The following CCBE1 variants were observed in gnomAD, a reference collection of about 807,000 sequenced individuals.
CCBE1 encodes collagen and calcium-binding EGF domain-containing protein 1.
Under a neutral mutation model 50.0 loss-of-function variants are expected in CCBE1, and 37 were observed. That is an observed-to-expected ratio of 0.74 (90% CI 0.57 to 0.97). The LOEUF (loss-of-function observed/expected upper bound fraction) is 0.97. Among genes scored for constraint, CCBE1 ranks in the 50% least tolerant of loss-of-function variants. CCBE1 has a pLI of 0.00. For synonymous variants in CCBE1, 234 were observed against 203.7 expected, an observed-to-expected ratio of 1.15 and a Z score of -1.27; for missense variants, 538 against 523.8, an observed-to-expected ratio of 1.03 and a Z score of -0.26.
intron 2 of CCBE1, among the ~76,000 whole-genome samples, chr18:59,660,023 C>T (rs1051718498): frequency 1.6e-4 from 24 of 152,178 alleles, no homozygotes; most frequent in African/African-American, 5.8e-4. Context: ...TTTGTTGGAG[C>T]TCATGTGTAG....
chr18:59,644,904 C>T (rs1460032707), intron 2 of CCBE1, among the ~76,000 whole-genome samples: 1 of 152,174 alleles, frequency 6.6e-6, no homozygotes, highest in Non-Finnish European at 1.5e-5. Flanking sequence ...AAGAGATTAT[C>T]TCAAATTCTT....
chr18:59,583,783 G>A (rs1599034971), intron 2 of CCBE1, among the ~76,000 whole-genome samples: 1 of 152,094 alleles, frequency 6.6e-6, no homozygotes, highest in South Asian at 2.1e-4. Flanking sequence ...CTTAAGGGCT[G>A]CCTTTTTATT....
intron 6 of CCBE1, among the ~76,000 whole-genome samples, chr18:59,449,657 G>C (rs1327692340): frequency 3.3e-5 from 5 of 151,852 alleles, no homozygotes; most frequent in Admixed American, 2.6e-4. Flanking sequence ...GCTGTCTGGG[G>C]GCTGCTCCTG....
At chr18:59,446,871 G>A (rs749953865) in intron 7 of CCBE1, among the ~76,000 whole-genome samples, 1 of 152,288 alleles carries the variant, frequency 6.6e-6, no homozygotes, top group East Asian at 1.9e-4. Context: ...AGGATGTCAA[G>A]AGGTCATTCA....
chr18:59,616,714 G>C (rs2053641239), intron 2 of CCBE1, among the ~76,000 whole-genome samples: 1 of 152,224 alleles, frequency 6.6e-6, no homozygotes, highest in African/African-American at 2.4e-5. Flanking sequence ...GCCAGGATTA[G>C]ACAAGTTGCA....
chr18:59,437,663 G>T (rs2143611160), intron 10 of CCBE1, among the ~76,000 whole-genome samples: 1 of 148,626 alleles, frequency 6.7e-6, no homozygotes, highest in Non-Finnish European at 1.5e-5. Context: ...TTCTTCTCAG[G>T]TCCTAAACAG....
chr18:59,631,043 C>A (rs1420172598), intron 2 of CCBE1, among the ~76,000 whole-genome samples: 1 of 152,264 alleles, frequency 6.6e-6, no homozygotes, highest in African/African-American at 2.4e-5. Flanking sequence ...CTTCCATTTT[C>A]TTTTGGGGAA....
rs183713564 is a variant in CCBE1 at position 59,687,252 on chromosome 18, G to T, written c.212+9377C>A. Among the ~76,000 whole-genome samples the T allele has an allele frequency of 3.9e-5, 6 of 152,328 alleles. No individual in the cohort carries two copies. The East Asian group carries it at 1.2e-3, about 29-fold the overall frequency. ...GAGGAAATAGCGCTAGACAAAAGAA[G>T]AGGGTTACAAAGCTTACATTTGTCT... On this transcript the variant is annotated intron_variant, in intron 2 of 10. Coordinates refer to ENST00000439986, the MANE Select transcript of CCBE1 (RefSeq NM_133459.4).
intron 2 of CCBE1, among the ~76,000 whole-genome samples, chr18:59,539,175 T>G (rs1915367073): frequency 6.7e-6 from 1 of 148,260 alleles, no homozygotes; most frequent in African/African-American, 2.5e-5. Flanking sequence ...GACTCTGCTA[T>G]ATTTAAAAAA....
At chr18:59,520,997 G>A (rs1914575632) in intron 2 of CCBE1, among the ~76,000 whole-genome samples, 1 of 152,122 alleles carries the variant, frequency 6.6e-6, no homozygotes. Flanking sequence ...GCTATTTATT[G>A]GAATGATATT....
chr18:59,475,605 A>G (rs2143755721), intron 3 of CCBE1, among the ~76,000 whole-genome samples: 1 of 152,200 alleles, frequency 6.6e-6, no homozygotes, highest in South Asian at 2.1e-4. Flanking sequence ...TACAAATGCT[A>G]CCCCTTCAAG....
intron 2 of CCBE1, among the ~76,000 whole-genome samples, chr18:59,564,511 G>C (rs537676160): frequency 5.9e-5 from 9 of 152,322 alleles, no homozygotes; most frequent in African/African-American, 2.2e-4. Context: ...TATTTAATGA[G>C]AAAACTAGAA....
chr18:59,461,122 A>G (rs528128960), intron 5 of CCBE1, among the ~76,000 whole-genome samples: 1 of 152,226 alleles, frequency 6.6e-6, no homozygotes, highest in Admixed American at 6.5e-5. Context: ...AGATAAGGCA[A>G]CTGAGGCCCA....
chr18:59,493,001 C>T (rs904042602), intron 2 of CCBE1, among the ~76,000 whole-genome samples: 14 of 152,196 alleles, frequency 9.2e-5, no homozygotes, highest in African/African-American at 2.4e-4. Flanking sequence ...GTTCCAGTGG[C>T]GCTCGGCCTT....
chr18:59,547,746 G>C (rs900590020), intron 2 of CCBE1, among the ~76,000 whole-genome samples: 1 of 152,184 alleles, frequency 6.6e-6, no homozygotes, highest in East Asian at 1.9e-4. Context: ...TATGCAAACA[G>C]TGAGACCTCC....
At chr18:59,548,476 C>T (rs1413483644) in intron 2 of CCBE1, among the ~76,000 whole-genome samples, 1 of 152,116 alleles carries the variant, frequency 6.6e-6, no homozygotes, top group Non-Finnish European at 1.5e-5. Context: ...CTTTCAAGAA[C>T]AAGAACAGAG....
chr18:59,597,561 A>AAGTAGT lies in CCBE1; in HGVS notation c.212+99062_212+99067dup, dbSNP rs74536172. ...GGGAGGAGAAAATTAACTACAAAAA[A>AAGTAGT]AGTAGTAGTAGTAGTAGAAGAAAGG... On this transcript the variant is annotated intron_variant, in intron 2 of 10. Coordinates refer to ENST00000439986, the MANE Select transcript of CCBE1 (RefSeq NM_133459.4). 5.1e-4 allele frequency among the ~76,000 whole-genome samples: 78 copies of AAGTAGT among 151,564 alleles called. 1 individual carries two copies. Among genetic ancestry groups the AAGTAGT allele is most frequent in the East Asian group, 5.9e-4 (3 of 5,114 alleles).
chr18:59,438,923 G>C (rs1293952765), intron 9 of CCBE1, among the ~76,000 whole-genome samples: 1 of 152,130 alleles, frequency 6.6e-6, no homozygotes, highest in Non-Finnish European at 1.5e-5. Flanking sequence ...GCTGAGACGG[G>C]CAGATCACCT....
intron 2 of CCBE1, among the ~76,000 whole-genome samples, chr18:59,634,018 G>T (rs1039726634): frequency 2.0e-5 from 3 of 152,166 alleles, no homozygotes; most frequent in African/African-American, 7.2e-5. Context: ...TAAATGTGAG[G>T]AAGAAGTGAA....
Sources: allele counts gnomAD v4.1 joint callset (sites outside exome capture counted in the v4.1 genomes callset), GRCh38; gene constraint gnomAD v4.1.1; transcripts MANE v1.5; gene names NCBI Gene and HGNC (gene_info 2026-07-23, HGNC 2026-07-21).